The following LRP11 variants were observed in gnomAD, a reference collection of about 807,000 sequenced individuals.
LRP11 encodes the protein LDL receptor related protein 11, also known as low-density lipoprotein receptor-related protein 11.
A neutral mutation model predicts 43.1 loss-of-function variants in LRP11; 25 were observed. The observed-to-expected ratio is 0.58, with a 90% CI of 0.42 to 0.81. The LOEUF (loss-of-function observed/expected upper bound fraction) is 0.81. Ranked by LOEUF, LRP11 falls within the 30% of genes least tolerant of loss-of-function variation. The probability of loss-of-function intolerance (pLI) is 0.00; values close to 1 mark genes in which losing one functional copy is unlikely to be tolerated. For missense variants in LRP11, 623 were observed against 665.1 expected (o/e 0.94, Z 0.70); for synonymous variants, 316 against 299.4 (o/e 1.06, Z -0.57).
rs1271649045 is a variant in LRP11 at position 149,827,867 on chromosome 6, C to CA, written c.1253-1509dup. Among the ~76,000 whole-genome samples the CA allele has an allele frequency of 6.6e-6, 1 of 151,774 alleles. No homozygotes were observed. Among genetic ancestry groups the CA allele is most frequent in the Non-Finnish European group, 1.5e-5 (1 of 67,934 alleles). On this transcript the variant is annotated intron_variant, in intron 5 of 6. Coordinates refer to ENST00000239367, the MANE Select transcript of LRP11 (RefSeq NM_032832.6). The surrounding 1 kb of genome is among the most constrained non-coding windows in gnomAD (Gnocchi z 4.2). ...CAAAACCCTGTCTCTACTTAAAATA[C>CA]AAAAAAAATTAGCCAGGCATGGTGG...
chr6:149,857,426 G>A (rs1460245369), intron 1 of LRP11, among the ~76,000 whole-genome samples: 1 of 151,726 alleles, frequency 6.6e-6, no homozygotes, highest in Non-Finnish European at 1.5e-5. Flanking sequence ...TACTTGGGGG[G>A]CTGAGGAATT....
chr6:149,821,773 T>G (rs1310930827), intron 6 of LRP11, among the ~76,000 whole-genome samples: 1 of 152,242 alleles, frequency 6.6e-6, no homozygotes, highest in African/African-American at 2.4e-5. Context: ...TGCCAACTGG[T>G]AGAACTAGAG....
At chr6:149,856,100 A>AG (rs2115416502) in intron 1 of LRP11, among the ~76,000 whole-genome samples, 1 of 150,736 alleles carries the variant, frequency 6.6e-6, no homozygotes, top group East Asian at 1.9e-4. Flanking sequence ...TACAGCTAGC[A>AG]GCTATTTAAA....
intron 2 of LRP11, among the ~76,000 whole-genome samples, chr6:149,849,889 G>T (rs1040570661): frequency 1.3e-5 from 2 of 152,156 alleles, no homozygotes; most frequent in African/African-American, 4.8e-5. Flanking sequence ...TTCCTTGCAG[G>T]TTGAATACCT....
chr6:149,861,350 G>C (rs530202939), intron 1 of LRP11, among the ~76,000 whole-genome samples: 1 of 152,090 alleles, frequency 6.6e-6, no homozygotes, highest in East Asian at 1.9e-4. Flanking sequence ...CAGGAAGTCT[G>C]AGCACAGCAG....
intron 5 of LRP11, among the ~76,000 whole-genome samples, chr6:149,833,246 CT>C (rs1776432400): frequency 6.6e-6 from 1 of 152,180 alleles, no homozygotes; most frequent in South Asian, 2.1e-4. Flanking sequence ...CAATAATGCA[CT>C]TTTAAATCTA....
At position 149,836,111 on chromosome 6, in the gene LRP11, T is replaced by C. The variant is rs550869831; in HGVS notation, c.1226A>G (p.Glu409Gly). The C allele has an allele frequency of 2.8e-5, 45 of 1,614,178 alleles. No individual in the cohort carries two copies. In the South Asian group the frequency reaches 4.3e-4, roughly 15 times the overall value. Residue 409 changes from glutamate to glycine, a missense_variant, in exon 5 of 7, where the codon GAG (glutamate) becomes GGG (glycine). Coordinates refer to ENST00000239367, the MANE Select transcript of LRP11 (RefSeq NM_032832.6). ...KRNHSAFWGP[E>G]SQIIPVMPDS... ...TGGCATCACAGGAATGATTTGACTC[T>C]CTGGTCCCCAAAAGGCGGAATGATT...
chr6:149,850,952 C>A (rs1427332449), intron 2 of LRP11, among the ~76,000 whole-genome samples: 1 of 152,216 alleles, frequency 6.6e-6, no homozygotes, highest in Non-Finnish European at 1.5e-5. Flanking sequence ...TCTCTCTAAG[C>A]TGCCTGGCAC....
At chr6:149,839,066 T>G (rs965696104) in intron 3 of LRP11, among the ~76,000 whole-genome samples, 8 of 150,672 alleles carry the variant, frequency 5.3e-5, no homozygotes, top group Admixed American at 3.3e-4. Flanking sequence ...TTTTTGTTTT[T>G]TTTTTTTTTG....
intron 6 of LRP11, among the ~76,000 whole-genome samples, chr6:149,824,208 T>C (rs941759799): frequency 6.6e-6 from 1 of 152,176 alleles, no homozygotes; most frequent in African/African-American, 2.4e-5. Flanking sequence ...TAAAGGGTTA[T>C]GAAGCTGTGG....
chr6:149,859,396 ATTT>A (rs1163759560), intron 1 of LRP11, among the ~76,000 whole-genome samples: 18 of 71,474 alleles, frequency 2.5e-4, no homozygotes, highest in South Asian at 1.0e-3. Flanking sequence ...ATATATATAT[ATTT>A]TTTTTTTTTT....
intron 2 of LRP11, among the ~76,000 whole-genome samples, chr6:149,847,328 T>C (rs1374692422): frequency 6.6e-6 from 1 of 152,222 alleles, no homozygotes; most frequent in Non-Finnish European, 1.5e-5. Context: ...CAGATGCAGA[T>C]GATGATATCA....
intron 2 of LRP11, among the ~76,000 whole-genome samples, chr6:149,850,914 C>T (rs1477755758): frequency 3.3e-5 from 5 of 152,280 alleles, no homozygotes; most frequent in Middle Eastern, 6.8e-3. Context: ...GATGTGCCTA[C>T]AAGTGAGGGT....
At chr6:149,860,949 T>C (rs1776883535) in intron 1 of LRP11, among the ~76,000 whole-genome samples, 1 of 151,982 alleles carries the variant, frequency 6.6e-6, no homozygotes, top group South Asian at 2.1e-4. Context: ...GAGGACAGAG[T>C]GAGTTCATGC....
rs1301675170 is a variant in LRP11 at position 149,863,517 on chromosome 6, G to T, written c.504C>A (p.Arg168=). ...LGCYLFNCTA[R]GRNVCKFALH... ...GCGCGAACTTGCAGACGTTGCGGCC[G>T]CGCGCCGTGCAGTTGAAGAGGTAGC... is the stretch of plus-strand genomic sequence containing the variant. The change falls in exon 1 of 7, where the codon CGC becomes CGA. Residue 168 remains arginine, a synonymous_variant. Coordinates refer to ENST00000239367, the MANE Select transcript of LRP11 (RefSeq NM_032832.6). 2 of 1,347,840 alleles carry T rather than the reference G, an allele frequency of 1.5e-6. No homozygotes were observed. Among genetic ancestry groups the T allele is most frequent in the Non-Finnish European group, 1.9e-6 (2 of 1,059,382 alleles). The allele number at this position is 1,347,840 out of a possible 1,614,324, so 83.5% of individuals were successfully genotyped here.
In LRP11 at chr6:149,837,386, C is replaced by T; in HGVS notation, c.991G>A (p.Gly331Arg). Residue 331 changes from glycine (G) to arginine (R), a missense_variant, in exon 4 of 7, where the codon GGA becomes AGA. Coordinates refer to ENST00000239367, the MANE Select transcript of LRP11 (RefSeq NM_032832.6). ...CCIDITLACD[G>R]VQQCPDGSDE... The stretch of plus-strand genomic sequence containing the variant: ...GACCCATCAGGACACTGCTGCACTC[C>T]ATCGCAGGCGAGCGTGATGTCAATG... The T allele has an allele frequency of 1.9e-6, 3 of 1,614,146 alleles. No homozygotes were observed. Among genetic ancestry groups the T allele is most frequent in the African/African-American group, 2.7e-5 (2 of 75,010 alleles).
At chr6:149,863,284 G>C (rs926407357) in intron 1 of LRP11, 124 bp downstream of exon 1, 9 of 1,258,326 alleles carry the variant, frequency 7.2e-6, no homozygotes, top group Non-Finnish European at 9.0e-6. Flanking sequence ...ACCCATGCCA[G>C]AAACTCTTCT....
intron 5 of LRP11, among the ~76,000 whole-genome samples, chr6:149,834,802 A>G (rs1305896289): frequency 6.6e-6 from 1 of 152,250 alleles, no homozygotes; most frequent in African/African-American, 2.4e-5. Context: ...ATAGAATGCA[A>G]TGTTTTGCAG....
rs375119656 is a variant in LRP11 at position 149,843,173 on chromosome 6, G to A, written c.772-49C>T. The A allele has an allele frequency of 4.1e-5, 66 of 1,610,658 alleles. No homozygotes were observed. In the African/African-American group the frequency reaches 7.9e-4, roughly 19 times the overall value. On this transcript the variant is annotated intron_variant, in intron 2 of 6. Coordinates refer to ENST00000239367, the MANE Select transcript of LRP11 (RefSeq NM_032832.6). ...ACGTCGAGCAGCAGACTTGAGCTCC[G>A]AGCCCAACACCATCCTCAACCGAAA...
Sources: allele counts gnomAD v4.1 joint callset (sites outside exome capture counted in the v4.1 genomes callset), GRCh38; gene constraint gnomAD v4.1.1; non-coding constraint Gnocchi (gnomAD v3.1); transcripts MANE v1.5; gene names NCBI Gene and HGNC (gene_info 2026-07-23, HGNC 2026-07-21).